The following ZGRF1 variants were observed in gnomAD, a reference collection of about 807,000 sequenced individuals.
ZGRF1 encodes 5'-3' DNA helicase ZGRF1.
ZGRF1 carries 196 observed loss-of-function variants against 203.5 expected under a neutral mutation model. The ratio of observed to expected loss-of-function variants is 0.96; its 90% CI spans 0.86 to 1.08. The LOEUF is 1.08. Ranked by LOEUF, ZGRF1 falls within the 50% of genes least tolerant of loss-of-function variation. The pLI, the probability that ZGRF1 is intolerant of heterozygous loss-of-function variation, is 0.00. For missense variants in ZGRF1, 2,326 were observed against 2,416.3 expected (o/e 0.96, Z 0.78); for synonymous variants, 809 against 841.3 (o/e 0.96, Z 0.66).
intron 15 of ZGRF1, 46 bp from the exon 16 acceptor site, chr4:112,581,848 C>A: frequency 1.9e-6 from 2 of 1,044,470 alleles, no homozygotes; most frequent in Non-Finnish European, 2.6e-6. Flanking sequence ...TATTAAGATG[C>A]AAGTTTTTTG....
chr4:112,635,129 C>CAA (rs34823978), intron 1 of ZGRF1, among the ~76,000 whole-genome samples: 17,146 of 88,598 alleles, frequency 0.19, 1,409 homozygotes, highest in East Asian at 0.45. Flanking sequence ...GACTCCATCT[C>CAA]AAAAAAAAAA....
chr4:112,554,751 T>C lies in ZGRF1; in HGVS notation c.5152A>G (p.Arg1718Gly). ...LLSLGFENFIRVGSVRKIAKP... is the reference protein window; with the variant it reads ...LLSLGFENFIGVGSVRKIAKP... ...GCAATCTTCCTAACACTCCCAACTC[T>C]GATAAAGTTTTCAAATCCAAGACTG... The change falls in exon 21 of 28, where the codon AGA becomes GGA. Residue 1718 changes from arginine to glycine, a missense_variant. Coordinates refer to ENST00000505019, the MANE Select transcript of ZGRF1 (RefSeq NM_018392.5). 1 of 1,543,522 alleles carries C rather than the reference T, an allele frequency of 6.5e-7. No individual in the cohort carries two copies. Among genetic ancestry groups the C allele is most frequent in the African/African-American group, 1.4e-5 (1 of 73,030 alleles).
In ZGRF1 at chr4:112,563,134, T is replaced by TA. The variant is rs1302035721; in HGVS notation, c.4578dup (p.Asn1527Ter). The TA allele has an allele frequency of 1.3e-6, 2 of 1,547,850 alleles. No homozygotes were observed. Among genetic ancestry groups the TA allele is most frequent in the Admixed American group, 3.9e-5 (2 of 50,940 alleles). Reference sequence around the variant, plus strand: ...AAATGAGCATAGTAATACTCACTGTTAGTGGGCCAATTAGAAGGGAAATAG... The same window carrying TA: ...AAATGAGCATAGTAATACTCACTGTTAAGTGGGCCAATTAGAAGGGAAATAG... On this transcript the variant is annotated frameshift_variant, in exon 17 of 28. Coordinates refer to ENST00000505019, the MANE Select transcript of ZGRF1 (RefSeq NM_018392.5). LOFTEE classifies it high-confidence loss of function.
chr4:112,620,961 G>A (rs2047043007), intron 4 of ZGRF1, among the ~76,000 whole-genome samples: 1 of 152,044 alleles, frequency 6.6e-6, no homozygotes, highest in Non-Finnish European at 1.5e-5. Context: ...GAGCCCAGGA[G>A]TTTGAGGCTG....
chr4:112,549,223 A>G (rs1054588017), intron 22 of ZGRF1, among the ~76,000 whole-genome samples: 8 of 152,182 alleles, frequency 5.3e-5, no homozygotes, highest in Non-Finnish European at 1.0e-4. Flanking sequence ...TTATAGCAGC[A>G]TGCCATTACT....
At chr4:112,568,508 C>T (rs773412219) in intron 16 of ZGRF1, among the ~76,000 whole-genome samples, 1 of 148,268 alleles carries the variant, frequency 6.7e-6, no homozygotes, top group East Asian at 2.0e-4. Flanking sequence ...GTCAGGAGTT[C>T]GACACCAGCC....
chr4:112,596,873 C>T (rs886499838), intron 10 of ZGRF1, among the ~76,000 whole-genome samples: 1 of 152,080 alleles, frequency 6.6e-6, no homozygotes, highest in Non-Finnish European at 1.5e-5. Context: ...GATTATCTAG[C>T]ACTTTGGGAG....
chr4:112,591,800 A>C (rs572371507), intron 10 of ZGRF1, among the ~76,000 whole-genome samples: 1 of 151,394 alleles, frequency 6.6e-6, no homozygotes, highest in South Asian at 2.1e-4. Context: ...ATAGAACTCC[A>C]CTCCCATGTG....
Position 112,619,629 on chromosome 4 carries a change from G to C in ZGRF1, c.413C>G (p.Ala138Gly). 1 of 1,613,606 alleles carries C rather than the reference G, an allele frequency of 6.2e-7. No individual in the cohort carries two copies. Among genetic ancestry groups the C allele is most frequent in the East Asian group, 2.2e-5 (1 of 44,866 alleles). Residue 138 changes from alanine (A) to glycine (G), a missense_variant, in exon 6 of 28, where the codon GCT becomes GGT. Physicochemically the swap from Ala to Gly is moderately conservative, Grantham distance 60. Transcript: ENST00000505019. ...AGTTTTCTTAGCCTCATGTGATGCA[G>C]CTGATTCACCACTTTCCATAATAAC... ...KMVIMESGES[A>G]ASHEAKKTGP...
Position 112,539,393 on chromosome 4 carries a change from CT to C in ZGRF1, c.*153del, listed in dbSNP as rs1737091034. The stretch of plus-strand genomic sequence containing the variant: ...AGGATTTTATACTACCTTTTGTACA[CT>C]TTTTTGAAGAACAAAATTTTTACAT... On this transcript the variant is annotated 3_prime_UTR_variant, in exon 28 of 28. Transcript: ENST00000505019. The C allele has an allele frequency of 8.6e-6, 4 of 466,344 alleles. No homozygotes were observed. The highest frequency in any genetic ancestry group is 1.1e-5 in the Non-Finnish European group (3 of 274,918). 28.9% of individuals were successfully genotyped at this position (466,344 alleles called of 1,614,324 possible).
At chr4:112,575,734 G>A (rs1283225170) in intron 16 of ZGRF1, among the ~76,000 whole-genome samples, 1 of 152,238 alleles carries the variant, frequency 6.6e-6, no homozygotes, top group African/African-American at 2.4e-5. Flanking sequence ...CAGGGGAAGG[G>A]GTGCCTGCCA....
intron 5 of ZGRF1, 68 bp from the exon 6 acceptor site, chr4:112,619,758 A>AG: frequency 8.0e-7 from 1 of 1,243,690 alleles, no homozygotes. Flanking sequence ...GAACTGGCTA[A>AG]GAAAAAAAAA....
At chr4:112,556,579 G>A (rs937479413) in intron 20 of ZGRF1, among the ~76,000 whole-genome samples, 22 of 151,964 alleles carry the variant, frequency 1.4e-4, no homozygotes, top group African/African-American at 4.3e-4. Flanking sequence ...TGGTAGAGAC[G>A]GGGATTTGCC....
intron 16 of ZGRF1, among the ~76,000 whole-genome samples, chr4:112,569,208 G>T (rs576532180): frequency 6.6e-5 from 10 of 152,152 alleles, no homozygotes; most frequent in East Asian, 5.8e-4. Flanking sequence ...ATAGAAAATA[G>T]ATCTATACTA....
At chr4:112,602,197 C>T (rs1750085832) in intron 10 of ZGRF1, among the ~76,000 whole-genome samples, 1 of 151,436 alleles carries the variant, frequency 6.6e-6, no homozygotes, top group South Asian at 2.1e-4. Context: ...GAGCAAAACT[C>T]TGTCTCAAAA....
chr4:112,613,513 A>G (rs777939361), intron 6 of ZGRF1, among the ~76,000 whole-genome samples: 1 of 152,224 alleles, frequency 6.6e-6, no homozygotes, highest in Admixed American at 6.5e-5. Flanking sequence ...TAAACCAGAT[A>G]AATTCAGATT....
intron 20 of ZGRF1, among the ~76,000 whole-genome samples, chr4:112,555,418 C>T (rs1740757557): frequency 6.6e-6 from 1 of 152,162 alleles, no homozygotes; most frequent in African/African-American, 2.4e-5. Flanking sequence ...TCTACCACCT[C>T]AAAATGGGAA....
At chr4:112,581,131 A>C (rs1364202194) in intron 16 of ZGRF1, among the ~76,000 whole-genome samples, 1 of 151,988 alleles carries the variant, frequency 6.6e-6, no homozygotes, top group African/African-American at 2.4e-5. Context: ...CTCTGTAGGG[A>C]CATGGATGAA....
chr4:112,623,800 TA>T lies in ZGRF1; in HGVS notation c.162+16del. The T allele has an allele frequency of 7.3e-7, 1 of 1,378,068 alleles. No homozygotes were observed. Among genetic ancestry groups the T allele is most frequent in the South Asian group, 1.3e-5 (1 of 79,468 alleles). 85.4% of individuals were successfully genotyped at this position (1,378,068 alleles called of 1,614,324 possible). A position where few individuals can be genotyped will look rare whatever the true frequency, so the allele number is the denominator to read the frequency against. ...TTTAAATAATAACTTAAAAATAAGA[TA>T]AACACACTAAAATACCTCAAGGCAT... On this transcript the variant is annotated intron_variant, in intron 4 of 27. Coordinates refer to ENST00000505019, the MANE Select transcript of ZGRF1 (RefSeq NM_018392.5).
Sources: allele counts gnomAD v4.1 joint callset (sites outside exome capture counted in the v4.1 genomes callset), GRCh38; gene constraint gnomAD v4.1.1; transcripts MANE v1.5; gene names NCBI Gene and HGNC (gene_info 2026-07-23, HGNC 2026-07-21).